Variants in H2BC12 observed in about 807,000 individuals in gnomAD.
The protein encoded by H2BC12 is H2B clustered histone 12.
Under a neutral mutation model 6.3 loss-of-function variants are expected in H2BC12, and 6 were observed. That is an observed-to-expected ratio of 0.95 (90% CI 0.52 to 1.87). The LOEUF is 1.87. Ranked by LOEUF, H2BC12 falls within the 40% of genes most tolerant of loss-of-function variation. The probability of loss-of-function intolerance (pLI) is 0.01; values close to 1 mark genes in which losing one functional copy is unlikely to be tolerated. For missense variants in H2BC12, 119 were observed against 178.4 expected (o/e 0.67, Z 1.90); for synonymous variants, 132 against 78.5 (o/e 1.68, Z -3.60).
At chr6:27,140,102 C>A in the H2BC12 span, among the ~76,000 whole-genome samples, 1 of 152,068 alleles carries the variant, frequency 6.6e-6, no homozygotes, top group Non-Finnish European at 1.5e-5. Context: ...GGGGGACAGA[C>A]CATGCTTTTA....
At chr6:27,145,338 A>ACACACACAC (rs60765842), downstream of H2BC12, among the ~76,000 whole-genome samples, 1 of 148,520 alleles carries the variant, frequency 6.7e-6, no homozygotes, top group African/African-American at 2.5e-5. Flanking sequence ...ACACACACAC[A>ACACACACAC]AAATTCCCCT....
At chr6:27,139,394 G>C in the H2BC12 span, 7 of 1,614,102 alleles carry the variant, frequency 4.3e-6, no homozygotes, top group African/African-American at 1.3e-5. Context: ...AACATCCAGG[G>C]TATCACCAAG....
At chr6:27,146,344 C>T, downstream of H2BC12, 3 of 1,605,872 alleles carry the variant, frequency 1.9e-6, no homozygotes, top group Middle Eastern at 1.7e-4. Flanking sequence ...GTGTTTACAG[C>T]TCTAATATCG....
chr6:27,140,824 G>T, the H2BC12 span, among the ~76,000 whole-genome samples: 1 of 151,888 alleles, frequency 6.6e-6, no homozygotes, highest in Admixed American at 6.6e-5. Context: ...TATGAGATTT[G>T]ATTTGTAAAT....
chr6:27,139,372 G>T, the H2BC12 span: 6 of 1,614,100 alleles, frequency 3.7e-6, no homozygotes, highest in African/African-American at 6.7e-5. Context: ...CCACCGCAAG[G>T]TGCTGCGCGA....
chr6:27,139,286 C>T, the H2BC12 span: 33 of 1,580,148 alleles, frequency 2.1e-5, no homozygotes, highest in African/African-American at 2.2e-4. Flanking sequence ...GGCAGCAGAC[C>T]TTTGTTCTCT....
At chr6:27,143,995 G>A (rs1760038662), downstream of H2BC12, among the ~76,000 whole-genome samples, 1 of 151,880 alleles carries the variant, frequency 6.6e-6, no homozygotes, top group African/African-American at 2.4e-5. Flanking sequence ...ATTAATACAC[G>A]TGGCTAATGA....
chr6:27,146,213 G>A (rs537197448), downstream of H2BC12, among the ~76,000 whole-genome samples: 1 of 152,314 alleles, frequency 6.6e-6, no homozygotes, highest in African/African-American at 2.4e-5. Context: ...TACTAACAAA[G>A]TGTATGTGGC....
the H2BC12 span, chr6:27,139,716 T>C: frequency 6.8e-7 from 1 of 1,472,118 alleles, no homozygotes. Context: ...ACTGAGTCTC[T>C]TAATAGGGCC....
At chr6:27,139,715 CTT>C in the H2BC12 span, 3 of 1,471,198 alleles carry the variant, frequency 2.0e-6, no homozygotes, top group South Asian at 4.2e-5. Flanking sequence ...AACTGAGTCT[CTT>C]AATAGGGCCA....
chr6:27,143,364 A>C (rs948266505), downstream of H2BC12, among the ~76,000 whole-genome samples: 1 of 127,454 alleles, frequency 7.8e-6, no homozygotes, highest in African/African-American at 3.9e-5. Context: ...AAAAGAAAAA[A>C]ATTTCCTTTC....
At chr6:27,142,730 G>A (rs568839098), downstream of H2BC12, among the ~76,000 whole-genome samples, 6 of 135,528 alleles carry the variant, frequency 4.4e-5, no homozygotes, top group South Asian at 2.5e-4. Context: ...TCAGCCTCCC[G>A]GGTTCAAGCC....
chr6:27,139,180 G>T, the H2BC12 span: 1 of 995,592 alleles, frequency 1.0e-6, no homozygotes, highest in Admixed American at 2.9e-5. Context: ...TCCCTTTTAG[G>T]TCCCCTCCCC....
At chr6:27,140,380 CT>C in the H2BC12 span, among the ~76,000 whole-genome samples, 4 of 152,286 alleles carry the variant, frequency 2.6e-5, no homozygotes, top group East Asian at 5.8e-4. Flanking sequence ...GCACATACCC[CT>C]AATCTATTTT....
chr6:27,139,260 G>A, the H2BC12 span: 60 of 1,535,268 alleles, frequency 3.9e-5, no homozygotes, highest in Non-Finnish European at 5.3e-5. Flanking sequence ...ACCCATAAAA[G>A]AAAGCTGCCA....
downstream of H2BC12, among the ~76,000 whole-genome samples, chr6:27,141,515 A>C (rs1164040417): frequency 1.3e-5 from 2 of 152,188 alleles, no homozygotes; most frequent in South Asian, 2.1e-4. Flanking sequence ...CAAACCTGTA[A>C]TATTCTTAAT....
chr6:27,142,791 C>T (rs1002449964), downstream of H2BC12, among the ~76,000 whole-genome samples: 3 of 151,802 alleles, frequency 2.0e-5, no homozygotes, highest in African/African-American at 7.3e-5. Flanking sequence ...CATGTGAAAC[C>T]ATGCCCAACT....
At chr6:27,144,798 A>AT (rs1208322780), downstream of H2BC12, among the ~76,000 whole-genome samples, 27 of 152,090 alleles carry the variant, frequency 1.8e-4, no homozygotes, top group African/African-American at 6.5e-4. Context: ...ATTTTAGTTT[A>AT]TTTTTTAATT....
At chr6:27,139,389 C>G in the H2BC12 span, 1 of 1,614,234 alleles carries the variant, frequency 6.2e-7, no homozygotes, top group Non-Finnish European at 8.5e-7. Flanking sequence ...GCGACAACAT[C>G]CAGGGTATCA....
Sources: allele counts gnomAD v4.1 joint callset (sites outside exome capture counted in the v4.1 genomes callset), GRCh38; gene constraint gnomAD v4.1.1; transcripts MANE v1.5; gene names NCBI Gene and HGNC (gene_info 2026-07-23, HGNC 2026-07-21).